The following BLOC1S3 variants were observed in gnomAD, a reference collection of about 807,000 sequenced individuals.
BLOC1S3 encodes the protein biogenesis of lysosomal organelles complex 1 subunit 3.
BLOC1S3 carries 7 observed loss-of-function variants against 9.1 expected under a neutral mutation model. The observed-to-expected ratio is 0.77, with a 90% CI of 0.44 to 1.45. The LOEUF (loss-of-function observed/expected upper bound fraction) is 1.45. Among genes scored for constraint, BLOC1S3 ranks in the 40% most tolerant of loss-of-function variants. The pLI is 0.01. For missense variants in BLOC1S3, 307 were observed against 315.2 expected, an observed-to-expected ratio of 0.97 and a Z score of 0.20; for synonymous variants, 145 against 158.4, an observed-to-expected ratio of 0.92 and a Z score of 0.64.
chr19:45,215,849 CTGTT>C (rs545710793), intron 3 of BLOC1S3, among the ~76,000 whole-genome samples: 40 of 152,328 alleles, frequency 2.6e-4, no homozygotes, highest in African/African-American at 8.7e-4. Flanking sequence ...CTGTGACCGC[CTGTT>C]TGTTTGTGAG....
intron 3 of BLOC1S3, among the ~76,000 whole-genome samples, chr19:45,207,567 A>AC (rs1568476668): frequency 6.8e-6 from 1 of 148,112 alleles, no homozygotes; most frequent in African/African-American, 2.5e-5. Context: ...AAAAAAAAAA[A>AC]AAAAAAAAAA....
At chr19:45,189,017 C>G (rs1248546124) in intron 2 of BLOC1S3, among the ~76,000 whole-genome samples, 1 of 151,000 alleles carries the variant, frequency 6.6e-6, no homozygotes, top group Non-Finnish European at 1.5e-5. Context: ...ACCATGTTGG[C>G]CTGGCTAGTC....
chr19:45,206,830 G>T (rs995599158), intron 3 of BLOC1S3, among the ~76,000 whole-genome samples: 1 of 151,582 alleles, frequency 6.6e-6, no homozygotes, highest in Non-Finnish European at 1.5e-5. Flanking sequence ...ATAGCTCTTT[G>T]TTTTATTATT....
At chr19:45,213,035 G>GACCC in intron 3 of BLOC1S3, 1 of 1,456,184 alleles carries the variant, frequency 6.9e-7, no homozygotes. Flanking sequence ...CAGCAGCATA[G>GACCC]ATGGGGTCAC....
rs998905197 is a variant in BLOC1S3 at position 45,215,936 on chromosome 19, G to A, written n.283-740G>A. 2.4e-5 allele frequency: 30 copies of A among 1,254,708 alleles called. No individual in the cohort carries two copies. The African/African-American group carries it at 3.6e-4, about 15-fold the overall frequency. 77.7% of individuals were successfully genotyped at this position (1,254,708 alleles called of 1,614,324 possible). A position where few individuals can be genotyped will look rare whatever the true frequency, so the allele number is the denominator to read the frequency against. On this transcript the variant is annotated intron_variant and non_coding_transcript_variant, in intron 3 of 3. Coordinates refer to the BLOC1S3 transcript ENST00000591569. ...GGGAAATCTTATTAATAATGCCCTG[G>A]TTCCAGCAGGAAACGGCCGTCAGAC... is the stretch of plus-strand genomic sequence containing the variant.
chr19:45,210,810 T>G (rs1218918047), intron 3 of BLOC1S3, among the ~76,000 whole-genome samples: 1 of 152,204 alleles, frequency 6.6e-6, no homozygotes, highest in Non-Finnish European at 1.5e-5. Flanking sequence ...ATTGACAAAC[T>G]GAGGCTCTTA....
chr19:45,215,827 G>A (rs971296506), intron 3 of BLOC1S3, among the ~76,000 whole-genome samples: 2 of 152,202 alleles, frequency 1.3e-5, no homozygotes, highest in Non-Finnish European at 2.9e-5. Flanking sequence ...GCGCCCCCCT[G>A]CCCTGGGCTT....
downstream of BLOC1S3, among the ~76,000 whole-genome samples, chr19:45,182,156 A>C (rs1245511710): frequency 6.6e-6 from 1 of 152,212 alleles, no homozygotes; most frequent in East Asian, 1.9e-4. Flanking sequence ...AGCCTGGCCA[A>C]CATGGTGAAA....
chr19:45,184,914 A>G, downstream of BLOC1S3, among the ~76,000 whole-genome samples: 1 of 148,364 alleles, frequency 6.7e-6, no homozygotes, highest in African/African-American at 2.5e-5. Context: ...AAAAAAAAAA[A>G]AAAAAAAAAA....
Position 45,179,948 on chromosome 19 carries a change from C to G in BLOC1S3, c.*43C>G. 9 of 1,588,090 alleles carry G rather than the reference C, an allele frequency of 5.7e-6. No homozygotes were observed. The highest frequency in any genetic ancestry group is 7.7e-6 in the Non-Finnish European group (9 of 1,167,496). The stretch of plus-strand genomic sequence containing the variant: ...AACCTGACTGCAATTTGGGGGTAGG[C>G]CTTGCTGCCTCTGGGACCTGACTCT... On this transcript the variant is annotated 3_prime_UTR_variant, in exon 2 of 2. Transcript: ENST00000433642. The surrounding 1 kb of genome is among the most constrained non-coding windows in gnomAD (Gnocchi z 4.6).
chr19:45,186,202 A>G (rs1969564837), downstream of BLOC1S3, among the ~76,000 whole-genome samples: 1 of 152,196 alleles, frequency 6.6e-6, no homozygotes, highest in African/African-American at 2.4e-5. Context: ...CTGTGTCCCC[A>G]GCACCACTAG....
intron 3 of BLOC1S3, among the ~76,000 whole-genome samples, chr19:45,215,819 GC>G (rs1969826955): frequency 6.6e-6 from 1 of 152,262 alleles, no homozygotes; most frequent in Non-Finnish European, 1.5e-5. Flanking sequence ...GCAGCCCTGC[GC>G]CCCCCTGCCC....
At chr19:45,192,838 A>C in intron 2 of BLOC1S3, among the ~76,000 whole-genome samples, 1 of 152,054 alleles carries the variant, frequency 6.6e-6, no homozygotes, top group Non-Finnish European at 1.5e-5. Context: ...CTCCAGTGTG[A>C]GGAAGACATT....
At chr19:45,183,358 C>T (rs989655640), downstream of BLOC1S3, among the ~76,000 whole-genome samples, 3 of 151,686 alleles carry the variant, frequency 2.0e-5, no homozygotes, top group Non-Finnish European at 4.4e-5. Flanking sequence ...TGCCTGTAAT[C>T]CCAGCTACTC....
At chr19:45,192,804 C>G (rs983534394) in intron 2 of BLOC1S3, among the ~76,000 whole-genome samples, 1 of 152,064 alleles carries the variant, frequency 6.6e-6, no homozygotes, top group Non-Finnish European at 1.5e-5. Flanking sequence ...AAACAAAGAC[C>G]TCTTTATTCT....
chr19:45,184,813 T>C (rs1969553603), downstream of BLOC1S3, among the ~76,000 whole-genome samples: 1 of 142,580 alleles, frequency 7.0e-6, no homozygotes, highest in Admixed American at 7.7e-5. Flanking sequence ...GGCAGGAGAA[T>C]GGCGTGAACC....
intron 2 of BLOC1S3, among the ~76,000 whole-genome samples, chr19:45,189,980 A>G (rs2122903827): frequency 6.6e-6 from 1 of 151,832 alleles, no homozygotes; most frequent in East Asian, 1.9e-4. Flanking sequence ...GTATTTTCAA[A>G]TAGCCTTTCT....
chr19:45,194,102 CTTTTTTTTTTTTT>C (rs34470523), intron 2 of BLOC1S3, among the ~76,000 whole-genome samples: 1 of 45,104 alleles, frequency 2.2e-5, no homozygotes, highest in Non-Finnish European at 3.9e-5. Flanking sequence ...CGCGCCTGGC[CTTTTTTTTTTTTT>C]TTTTTTTTTT....
intron 3 of BLOC1S3, among the ~76,000 whole-genome samples, chr19:45,205,431 C>T (rs949070463): frequency 4.6e-5 from 7 of 152,194 alleles, no homozygotes; most frequent in African/African-American, 7.2e-5. Context: ...TCCCAAAGTG[C>T]AGGGATTACA....
Sources: allele counts gnomAD v4.1 joint callset (sites outside exome capture counted in the v4.1 genomes callset), GRCh38; gene constraint gnomAD v4.1.1; non-coding constraint Gnocchi (gnomAD v3.1); transcripts MANE v1.5; gene names NCBI Gene and HGNC (gene_info 2026-07-23, HGNC 2026-07-21).